The following CNTNAP2 variants were observed in gnomAD, a reference collection of about 807,000 sequenced individuals.
CNTNAP2 encodes the protein contactin associated protein 2.
A neutral mutation model predicts 155.2 loss-of-function variants in CNTNAP2; 98 were observed. The observed-to-expected ratio is 0.63, with a 90% confidence interval of 0.54 to 0.75. The LOEUF (loss-of-function observed/expected upper bound fraction) is 0.75. Among genes scored for constraint, CNTNAP2 ranks in the 30% least tolerant of loss-of-function variants. CNTNAP2 has a pLI of 0.00. For synonymous variants in CNTNAP2, 651 were observed against 631.2 expected, an observed-to-expected ratio of 1.03 and a Z score of -0.47; for missense variants, 1,727 against 1,688.1, an observed-to-expected ratio of 1.02 and a Z score of -0.40.
At chr7:147,375,086 C>A in intron 9 of CNTNAP2, among the ~76,000 whole-genome samples, 1 of 151,882 alleles carries the variant, frequency 6.6e-6, no homozygotes, top group Non-Finnish European at 1.5e-5. Context: ...CACCTGCCAC[C>A]ATGTAAGACG....
At chr7:147,534,770 T>C (rs546874582) in intron 11 of CNTNAP2, among the ~76,000 whole-genome samples, 2 of 152,174 alleles carry the variant, frequency 1.3e-5, no homozygotes, top group Non-Finnish European at 2.9e-5. Flanking sequence ...TGAAGCAGGA[T>C]TGTGATAAGA....
At chr7:148,024,743 CG>C (rs1326299609) in intron 15 of CNTNAP2, among the ~76,000 whole-genome samples, 1 of 152,120 alleles carries the variant, frequency 6.6e-6, no homozygotes, top group African/African-American at 2.4e-5. Context: ...AAATTGCATA[CG>C]GGATGTTATT....
chr7:146,488,658 C>T (rs544659108), intron 1 of CNTNAP2, among the ~76,000 whole-genome samples: 1 of 152,060 alleles, frequency 6.6e-6, no homozygotes, highest in Non-Finnish European at 1.5e-5. Context: ...GACAGGGTCT[C>T]ACTCTGTTTT....
chr7:147,745,651 C>T lies in CNTNAP2; in HGVS notation c.2098+106345C>T, dbSNP rs188937086. Among the ~76,000 whole-genome samples, 535 of 152,204 alleles carry T rather than the reference C, an allele frequency of 3.5e-3. 3 individuals carry two copies. Among genetic ancestry groups the T allele is most frequent in the South Asian group, 5.6e-3 (27 of 4,824 alleles). ...CAGAATATATTTCTTTATAACCAAT[C>T]GAGAAATGTGACTATAATGAAGTCA... On this transcript the variant is annotated intron_variant, in intron 13 of 23. Transcript: ENST00000361727.
chr7:146,669,795 A>ACCTT (rs1800268452), intron 1 of CNTNAP2, among the ~76,000 whole-genome samples: 1 of 152,060 alleles, frequency 6.6e-6, no homozygotes, highest in South Asian at 2.1e-4. Flanking sequence ...AATTGTTTCA[A>ACCTT]CCTTTTTTTA....
At chr7:146,956,360 T>A (rs1797436135) in intron 3 of CNTNAP2, among the ~76,000 whole-genome samples, 1 of 152,148 alleles carries the variant, frequency 6.6e-6, no homozygotes, top group Non-Finnish European at 1.5e-5. Flanking sequence ...CTCTAATTAT[T>A]GCAAATATCT....
At chr7:147,960,599 ACAGTAATAGG>A (rs1300173326) in intron 14 of CNTNAP2, among the ~76,000 whole-genome samples, 2 of 152,154 alleles carry the variant, frequency 1.3e-5, no homozygotes, top group Non-Finnish European at 2.9e-5. Flanking sequence ...TACAATAGTG[ACAGTAATAGG>A]CAGTGTTTTC....
chr7:146,462,987 A>G (rs962711491), intron 1 of CNTNAP2, among the ~76,000 whole-genome samples: 1 of 152,162 alleles, frequency 6.6e-6, no homozygotes, highest in Non-Finnish European at 1.5e-5. Context: ...TGCATCAGAC[A>G]TTAACCTTCC....
At chr7:146,839,218 G>A (rs1803673449) in intron 2 of CNTNAP2, among the ~76,000 whole-genome samples, 1 of 151,658 alleles carries the variant, frequency 6.6e-6, no homozygotes, top group African/African-American at 2.4e-5. Flanking sequence ...ATTAATGTAA[G>A]ATTAGGTTCA....
chr7:146,863,564 T>C (rs1585127649), intron 3 of CNTNAP2, among the ~76,000 whole-genome samples: 1 of 49,524 alleles, frequency 2.0e-5, no homozygotes, highest in Non-Finnish European at 3.8e-5. Context: ...AAGTCACTGA[T>C]TGGGTAATTA....
intron 1 of CNTNAP2, among the ~76,000 whole-genome samples, chr7:146,713,374 G>A (rs1296901196): frequency 6.6e-6 from 1 of 152,058 alleles, no homozygotes; most frequent in Non-Finnish European, 1.5e-5. Flanking sequence ...TTGCTTCTCT[G>A]GAAGGCCATT....
chr7:146,792,469 A>T (rs933801502), intron 2 of CNTNAP2, among the ~76,000 whole-genome samples: 1 of 152,222 alleles, frequency 6.6e-6, no homozygotes, highest in African/African-American at 2.4e-5. Flanking sequence ...CCTTGCATAT[A>T]GTTCCAATGT....
At chr7:146,937,818 C>T (rs755959553) in intron 3 of CNTNAP2, among the ~76,000 whole-genome samples, 22 of 152,112 alleles carry the variant, frequency 1.4e-4, no homozygotes, top group Admixed American at 3.3e-4. Flanking sequence ...TGAAGACAGC[C>T]ACTCAGGAAG....
intron 1 of CNTNAP2, among the ~76,000 whole-genome samples, chr7:146,184,272 G>T (rs537732302): frequency 6.6e-6 from 1 of 152,118 alleles, no homozygotes; most frequent in African/African-American, 2.4e-5. Flanking sequence ...AAAATGTCTT[G>T]TAGATAAACA....
intron 14 of CNTNAP2, among the ~76,000 whole-genome samples, chr7:147,947,019 A>G (rs1800832536): frequency 6.6e-6 from 1 of 151,542 alleles, no homozygotes; most frequent in African/African-American, 2.4e-5. Context: ...TACAGGGGAA[A>G]TGAATAAGCC....
chr7:146,291,386 G>A (rs1800426535), intron 1 of CNTNAP2, among the ~76,000 whole-genome samples: 1 of 152,230 alleles, frequency 6.6e-6, no homozygotes, highest in Middle Eastern at 3.4e-3. Flanking sequence ...ATTTCATGGT[G>A]CATGACTATA....
rs1186796820 is a variant in CNTNAP2 at position 146,823,402 on chromosome 7, T to C, written c.209-16309T>C. On this transcript the variant is annotated intron_variant, in intron 2 of 23. Transcript: ENST00000361727. ...AAATATACTCATTCTTCAGTATATT[T>C]CCATGTAAATATACTCATTCTTCAG... is the stretch of plus-strand genomic sequence containing the variant. Among the ~76,000 whole-genome samples the C allele has an allele frequency of 2.3e-5, 3 of 131,156 alleles. 1 individual carries two copies. Among genetic ancestry groups the C allele is most frequent in the Non-Finnish European group, 4.8e-5 (3 of 62,352 alleles). 86.0% of individuals were successfully genotyped at this position (131,156 alleles called of 152,430 possible).
chr7:147,261,642 T>C (rs1804468676), intron 8 of CNTNAP2, among the ~76,000 whole-genome samples: 1 of 151,750 alleles, frequency 6.6e-6, no homozygotes, highest in South Asian at 2.1e-4. Flanking sequence ...TTAACACAAA[T>C]ATTATTTGAA....
intron 21 of CNTNAP2, among the ~76,000 whole-genome samples, chr7:148,287,644 T>C (rs1797105877): frequency 1.3e-5 from 2 of 152,200 alleles, no homozygotes; most frequent in Admixed American, 1.3e-4. Context: ...ATTTCATTCA[T>C]GCTTCTGGAG....
Sources: allele counts gnomAD v4.1 joint callset (sites outside exome capture counted in the v4.1 genomes callset), GRCh38; gene constraint gnomAD v4.1.1; transcripts MANE v1.5; gene names NCBI Gene and HGNC (gene_info 2026-07-23, HGNC 2026-07-21).